The following EXOC1 variants were observed in gnomAD, a reference collection of about 807,000 sequenced individuals.
EXOC1 encodes SEC3-like 1.
Under a neutral mutation model 107.7 loss-of-function variants are expected in EXOC1, and 67 were observed. That is an observed-to-expected ratio of 0.62 (90% CI 0.51 to 0.76). The LOEUF is 0.76. Ranked by LOEUF, EXOC1 falls within the 30% of genes least tolerant of loss-of-function variation. The probability of loss-of-function intolerance (pLI) is 0.00; values close to 1 mark genes in which losing one functional copy is unlikely to be tolerated. For missense variants in EXOC1, 833 were observed against 1,055.7 expected (o/e 0.79, Z 2.92); for synonymous variants, 348 against 353.5 (o/e 0.98, Z 0.17).
At chr4:55,874,597 A>G (rs1045064546) in intron 8 of EXOC1, among the ~76,000 whole-genome samples, 1 of 152,174 alleles carries the variant, frequency 6.6e-6, no homozygotes, top group Non-Finnish European at 1.5e-5. Context: ...CAACTTTCCT[A>G]TTAATACTTC....
At chr4:55,880,522 A>T (rs1723293618) in intron 9 of EXOC1, among the ~76,000 whole-genome samples, 1 of 152,108 alleles carries the variant, frequency 6.6e-6, no homozygotes, top group South Asian at 2.1e-4. Context: ...TTGCCTTTTG[A>T]AGTTTTAGGA....
intron 17 of EXOC1, among the ~76,000 whole-genome samples, chr4:55,900,109 ATAATTG>A (rs1208690954): frequency 6.6e-5 from 10 of 152,118 alleles, no homozygotes; most frequent in Non-Finnish European, 1.5e-4. Context: ...TATTTTAATG[ATAATTG>A]TACTAGTATT....
chr4:55,899,506 A>T (rs924916421), intron 16 of EXOC1, among the ~76,000 whole-genome samples, 179 bp from the exon 17 acceptor site: 2 of 152,140 alleles, frequency 1.3e-5, no homozygotes, highest in African/African-American at 4.8e-5. Flanking sequence ...CTGTTTTAGG[A>T]TGACTTTTTA....
At position 55,878,018 on chromosome 4, in the gene EXOC1, G is replaced by A. The variant is rs2110348674; in HGVS notation, c.1176G>A (p.Met392Ile). 1 of 1,613,778 alleles carries A rather than the reference G, an allele frequency of 6.2e-7. No individual in the cohort carries two copies. The change falls in exon 9 of 19, where the codon ATG (methionine) becomes ATA (isoleucine). Residue 392 changes from methionine to isoleucine, a missense_variant. Transcript: ENST00000381295. Reference protein sequence around the residue: ...HRDLLRYAKLMEWLKSTDYGK... With the variant: ...HRDLLRYAKLIEWLKSTDYGK... The stretch of plus-strand genomic sequence containing the variant: ...ATTTGCTCCGATATGCCAAGCTGAT[G>A]GAGTGGCTAAAGAGTACAGATTATG...
chr4:55,858,258 T>C, intron 1 of EXOC1, 56 bp from the exon 2 acceptor site: 1 of 1,483,968 alleles, frequency 6.7e-7, no homozygotes, highest in South Asian at 1.5e-5. Context: ...AATTCAGAAG[T>C]ATAAGATGGA....
At chr4:55,885,437 A>C (rs1054911464) in intron 10 of EXOC1, among the ~76,000 whole-genome samples, 1 of 152,186 alleles carries the variant, frequency 6.6e-6, no homozygotes, top group Non-Finnish European at 1.5e-5. Context: ...GAAATTCTTA[A>C]ATTATCTTGT....
chr4:55,876,835 A>T (rs1437363452), intron 8 of EXOC1: 1 of 984,606 alleles, frequency 1.0e-6, no homozygotes, highest in Non-Finnish European at 1.2e-6. Context: ...TTTCCATTTT[A>T]AATTGGGATA....
intron 4 of EXOC1, among the ~76,000 whole-genome samples, chr4:55,865,652 T>G (rs2110324642): frequency 6.6e-6 from 1 of 152,344 alleles, no homozygotes. Context: ...CTGTTCTGTC[T>G]TCAAATATTA....
intron 9 of EXOC1, among the ~76,000 whole-genome samples, chr4:55,878,888 A>G (rs1175887556): frequency 2.0e-5 from 3 of 152,216 alleles, no homozygotes; most frequent in African/African-American, 7.2e-5. Flanking sequence ...ATGGGAAAAG[A>G]TTAAATGAGG....
intron 17 of EXOC1, chr4:55,902,141 A>G (rs2109518027): frequency 2.8e-6 from 1 of 362,958 alleles, no homozygotes; most frequent in East Asian, 4.2e-5. Context: ...ATGTATTCAC[A>G]CATCAAAAGA....
chr4:55,871,232 A>C lies in EXOC1; in HGVS notation c.963A>C (p.Pro321=). 1 of 1,606,994 alleles carries C rather than the reference A, an allele frequency of 6.2e-7. No homozygotes were observed. Among genetic ancestry groups the C allele is most frequent in the East Asian group, 2.2e-5 (1 of 44,672 alleles). ...AGTGCATGAATGTAGCTCTTCGACC[A>C]GGTATGTTCATTAGAAATGACAAAA... is the stretch of plus-strand genomic sequence containing the variant. ...LLQCMNVALR[P]GHDLLLAVKQ... Residue 321 remains proline (P), a splice_region_variant and synonymous_variant, in exon 7 of 19, where the codon CCA becomes CCC. Transcript: ENST00000381295.
At chr4:55,890,588 TG>T (rs1482441870) in intron 12 of EXOC1, among the ~76,000 whole-genome samples, 1 of 149,952 alleles carries the variant, frequency 6.7e-6, no homozygotes, top group African/African-American at 2.4e-5. Context: ...ATCAATGAAA[TG>T]GCATAAAAGC....
At chr4:55,881,701 G>A (rs1283467865) in intron 9 of EXOC1, among the ~76,000 whole-genome samples, 2 of 152,168 alleles carry the variant, frequency 1.3e-5, no homozygotes, top group African/African-American at 4.8e-5. Flanking sequence ...ATTCCTTTGA[G>A]TTTCTGATTA....
chr4:55,897,129 C>CTT lies in EXOC1; in HGVS notation c.2137+244_2137+245dup, dbSNP rs755247967. 2.3e-3 allele frequency among the ~76,000 whole-genome samples: 307 copies of CTT among 135,884 alleles called. 9 individuals carry two copies. The highest frequency in any genetic ancestry group is 0.022 in the Admixed American group (304 of 13,552). The allele number at this position is 135,884 out of a possible 152,430, so 89.1% of individuals were successfully genotyped here. Reference sequence around the variant, plus strand: ...CTTATGACTATGCAAAATTGAAAATCTTTTTTTTTTTTTTTTAAGATGGGC... The same window carrying CTT: ...CTTATGACTATGCAAAATTGAAAATCTTTTTTTTTTTTTTTTTTAAGATGGGC... On this transcript the variant is annotated intron_variant, in intron 16 of 18. Transcript: ENST00000381295.
intron 9 of EXOC1, among the ~76,000 whole-genome samples, chr4:55,880,493 T>A (rs1227519272): frequency 2.0e-5 from 3 of 152,074 alleles, no homozygotes; most frequent in Non-Finnish European, 4.4e-5. Context: ...AAGGAAAAAA[T>A]TTACATTACT....
intron 1 of EXOC1, among the ~76,000 whole-genome samples, chr4:55,856,948 AC>A (rs1721027468): frequency 6.6e-6 from 1 of 151,728 alleles, no homozygotes. Context: ...CAAAAAAGAA[AC>A]TCCATACCCA....
intron 1 of EXOC1, among the ~76,000 whole-genome samples, chr4:55,854,650 A>T (rs1187490737): frequency 6.6e-6 from 1 of 152,190 alleles, no homozygotes; most frequent in African/African-American, 2.4e-5. Context: ...TGAATGAATG[A>T]AGAGTCACAT....
In EXOC1 at chr4:55,888,924, A is replaced by G; in HGVS notation, c.1367A>G (p.Glu456Gly). 1 of 1,613,668 alleles carries G rather than the reference A, an allele frequency of 6.2e-7. No individual in the cohort carries two copies. The highest frequency in any genetic ancestry group is 8.5e-7 in the Non-Finnish European group (1 of 1,179,714). Reference sequence around the variant, plus strand: ...CGAAAAGAAAGTGCTGTCAAACAGGAAACAGAGAGTGAGTATGCTTAGTGT... The same window carrying G: ...CGAAAAGAAAGTGCTGTCAAACAGGGAACAGAGAGTGAGTATGCTTAGTGT... ...LPRKESAVKQETESLHGSSGK... is the reference protein window; with the variant it reads ...LPRKESAVKQGTESLHGSSGK... The change falls in exon 11 of 19, where the codon GAA (glutamate) becomes GGA (glycine). Residue 456 changes from glutamate to glycine, a missense_variant. Transcript: ENST00000381295.
rs1560359135 is a variant in EXOC1 at position 55,893,603 on chromosome 4, A to G, written c.1776A>G (p.Pro592=). 1 of 1,614,104 alleles carries G rather than the reference A, an allele frequency of 6.2e-7. No homozygotes were observed. Among genetic ancestry groups the G allele is most frequent in the East Asian group, 2.2e-5 (1 of 44,862 alleles). ...MMIKIFRCIE[P]ELNNLIALGD... is the part of the protein sequence containing the mutation. ...TTAAAATATTTCGCTGCATTGAGCC[A>G]GAGCTGAACAACCTAATTGCATTAG... Residue 592 remains proline (P), a synonymous_variant, in exon 15 of 19, where the codon CCA becomes CCG. Transcript: ENST00000381295.
Sources: gnomAD v4.1 joint callset for allele counts (sites outside exome capture counted in the v4.1 genomes callset) on GRCh38, gnomAD v4.1.1 for gene constraint, MANE v1.5 for transcripts, NCBI Gene and HGNC (gene_info 2026-07-23, HGNC 2026-07-21) for gene names.